The following ITGA8 variants were observed in gnomAD, a reference collection of about 807,000 sequenced individuals.
ITGA8 encodes integrin subunit alpha 8.
In ITGA8, 91 loss-of-function variants were observed where a neutral mutation model predicts 142.3. The observed-to-expected ratio is 0.64, with a 90% CI of 0.54 to 0.76. ITGA8 has a LOEUF of 0.76. ITGA8 is among the 30% of genes least tolerant of loss of function. The pLI, the probability that ITGA8 is intolerant of heterozygous loss-of-function variation, is 0.00. For synonymous variants in ITGA8, 505 were observed against 485.2 expected (o/e 1.04, Z -0.54); for missense variants, 1,406 against 1,327.7 (o/e 1.06, Z -0.92).
chr10:15,587,955 C>G (rs918177089), intron 22 of ITGA8, among the ~76,000 whole-genome samples: 1 of 152,124 alleles, frequency 6.6e-6, no homozygotes, highest in Non-Finnish European at 1.5e-5. Flanking sequence ...TCCTATTATG[C>G]TTTTACTGAA....
In ITGA8 at chr10:15,598,953, A is replaced by G. The variant is rs901064476; in HGVS notation, c.2119-1654T>C. Among the ~76,000 whole-genome samples the G allele has an allele frequency of 2.6e-5, 4 of 152,218 alleles. No individual in the cohort carries two copies. The East Asian group carries it at 7.7e-4, about 29-fold the overall frequency. On this transcript the variant is annotated intron_variant, in intron 20 of 29. Coordinates refer to ENST00000378076, the MANE Select transcript of ITGA8 (RefSeq NM_003638.3). The stretch of plus-strand genomic sequence containing the variant: ...CTTAAGGATCCATAACTAACCGCTA[A>G]TCATACAGAGATGCTTTGTGTTGGG...
intron 26 of ITGA8, among the ~76,000 whole-genome samples, chr10:15,554,859 G>A (rs1833860976): frequency 6.6e-6 from 1 of 151,892 alleles, no homozygotes; most frequent in Non-Finnish European, 1.5e-5. Context: ...AAGGGTGAAG[G>A]AAAAGCAAAA....
At chr10:15,691,093 G>C (rs1170304934) in intron 2 of ITGA8, among the ~76,000 whole-genome samples, 1 of 152,146 alleles carries the variant, frequency 6.6e-6, no homozygotes, top group South Asian at 2.1e-4. Context: ...GTGAAAAAAT[G>C]CTTAACATCC....
chr10:15,656,878 A>G (rs1834195328), intron 10 of ITGA8, among the ~76,000 whole-genome samples: 5 of 152,212 alleles, frequency 3.3e-5, no homozygotes, highest in Non-Finnish European at 4.4e-5. Context: ...CCCAGGAGGC[A>G]GAGACTTTGG....
At chr10:15,526,835 A>C (rs1833183848) in intron 28 of ITGA8, among the ~76,000 whole-genome samples, 1 of 152,234 alleles carries the variant, frequency 6.6e-6, no homozygotes, top group South Asian at 2.1e-4. Context: ...AGTAGGGAAC[A>C]TTTAATCTTA....
intron 24 of ITGA8, among the ~76,000 whole-genome samples, chr10:15,572,917 C>T (rs763213283): frequency 6.6e-6 from 1 of 152,162 alleles, no homozygotes; most frequent in Non-Finnish European, 1.5e-5. Flanking sequence ...ATCAGCAGAT[C>T]TCAAGGCAAG....
chr10:15,613,479 A>T (rs1172481888), intron 15 of ITGA8, 181 bp downstream of exon 15: 1 of 610,958 alleles, frequency 1.6e-6, no homozygotes, highest in African/African-American at 1.8e-5. Context: ...TGAAAGACTA[A>T]CTCCTTGCTA....
chr10:15,713,110 T>C (rs1174052730), intron 2 of ITGA8, among the ~76,000 whole-genome samples: 1 of 152,234 alleles, frequency 6.6e-6, no homozygotes, highest in Non-Finnish European at 1.5e-5. Context: ...TCCCTTCTCA[T>C]ACCAAGGTTC....
chr10:15,543,038 G>T (rs1414519772), intron 27 of ITGA8, among the ~76,000 whole-genome samples: 3 of 152,194 alleles, frequency 2.0e-5, no homozygotes, highest in African/African-American at 7.2e-5. Context: ...CAGAGTTATT[G>T]CTGGCTTACA....
At chr10:15,625,749 A>G (rs1049519557) in intron 13 of ITGA8, among the ~76,000 whole-genome samples, 1 of 152,214 alleles carries the variant, frequency 6.6e-6, no homozygotes, top group Non-Finnish European at 1.5e-5. Flanking sequence ...GAATGTGACT[A>G]TATTAGGAGA....
chr10:15,691,165 G>C (rs182639996), intron 2 of ITGA8, among the ~76,000 whole-genome samples: 14 of 152,168 alleles, frequency 9.2e-5, no homozygotes, highest in Admixed American at 9.2e-4. Context: ...GTGTTAGCAG[G>C]GCTATTATCA....
intron 6 of ITGA8, among the ~76,000 whole-genome samples, chr10:15,675,526 T>C (rs977471048): frequency 2.0e-5 from 3 of 152,252 alleles, no homozygotes; most frequent in Non-Finnish European, 4.4e-5. Context: ...CTGAAACTTA[T>C]ACAACTTGTT....
intron 25 of ITGA8, 96 bp from the exon 26 acceptor site, chr10:15,558,298 T>C: frequency 2.8e-6 from 4 of 1,412,622 alleles, no homozygotes; most frequent in Non-Finnish European, 2.9e-6. Context: ...TTTTTCTCAG[T>C]GGAATATGAT....
At chr10:15,624,560 C>G (rs1014585755) in intron 13 of ITGA8, among the ~76,000 whole-genome samples, 1 of 152,174 alleles carries the variant, frequency 6.6e-6, no homozygotes, top group African/African-American at 2.4e-5. Context: ...CTTCACCAGA[C>G]TGGACTTCTT....
intron 26 of ITGA8, among the ~76,000 whole-genome samples, chr10:15,553,861 C>CA (rs1313257128): frequency 6.6e-6 from 1 of 152,000 alleles, no homozygotes; most frequent in Non-Finnish European, 1.5e-5. Context: ...GGTGTGGTGG[C>CA]ACGCACCTGT....
intron 8 of ITGA8, among the ~76,000 whole-genome samples, chr10:15,665,859 C>A (rs911750196): frequency 6.6e-6 from 1 of 152,140 alleles, no homozygotes; most frequent in Non-Finnish European, 1.5e-5. Flanking sequence ...GGGCTCTGTT[C>A]TGTTCCATTG....
In ITGA8 at chr10:15,718,767, G is replaced by A. The variant is rs1375909299; in HGVS notation, c.342C>T (p.Thr114=). The change falls in exon 2 of 30, where the codon ACC becomes ACT. Residue 114 remains threonine (T), a splice_region_variant and synonymous_variant. Coordinates refer to ENST00000378076, the MANE Select transcript of ITGA8 (RefSeq NM_003638.3). ...AQCRQIPFDT[T]NNRKIRVNGT... is the part of the protein sequence containing the mutation. The stretch of plus-strand genomic sequence containing the variant: ...CTTAGAAGGACAAATCTCACTTACT[G>A]GTGGTGTCAAACGGTATCTGCCTGC... 1 of 1,613,900 alleles carries A rather than the reference G, an allele frequency of 6.2e-7. No homozygotes were observed. Among genetic ancestry groups the A allele is most frequent in the Non-Finnish European group, 8.5e-7 (1 of 1,179,846 alleles).
intron 2 of ITGA8, among the ~76,000 whole-genome samples, chr10:15,705,506 T>C (rs1302451196): frequency 1.3e-5 from 2 of 152,212 alleles, no homozygotes; most frequent in Non-Finnish European, 2.9e-5. Context: ...TCCCCTGCAT[T>C]TCCCTCCACT....
At chr10:15,647,449 G>GTTTTTT (rs71505078) in intron 11 of ITGA8, among the ~76,000 whole-genome samples, 33 of 91,502 alleles carry the variant, frequency 3.6e-4, no homozygotes, top group Non-Finnish European at 3.9e-4. Context: ...AAATTATTCA[G>GTTTTTT]TTTTTTTTTT....
Sources: gnomAD v4.1 joint callset for allele counts (sites outside exome capture counted in the v4.1 genomes callset) on GRCh38, gnomAD v4.1.1 for gene constraint, MANE v1.5 for transcripts, NCBI Gene and HGNC (gene_info 2026-07-23, HGNC 2026-07-21) for gene names.